Variants in CDYL observed in about 807,000 individuals in gnomAD.
CDYL encodes the protein chromodomain Y-like protein.
CDYL carries 8 observed loss-of-function variants against 47.3 expected under a neutral mutation model. The observed-to-expected ratio is 0.17, with a 90% CI of 0.10 to 0.31. The LOEUF is 0.31. CDYL is among the 10% of genes least tolerant of loss of function. CDYL has a pLI of 1.00. For missense variants in CDYL, 471 were observed against 701.4 expected, an observed-to-expected ratio of 0.67 and a Z score of 3.71; for synonymous variants, 266 against 265.0, an observed-to-expected ratio of 1.00 and a Z score of -0.04.
chr6:4,817,631 G>A (rs1445751918), intron 1 of CDYL, among the ~76,000 whole-genome samples: 2 of 151,970 alleles, frequency 1.3e-5, no homozygotes, highest in Non-Finnish European at 2.9e-5. Flanking sequence ...TACATATCTG[G>A]ACTTTATTCT....
chr6:4,744,523 CAA>C (rs1757853859), intron 3 of CDYL, among the ~76,000 whole-genome samples: 1 of 151,912 alleles, frequency 6.6e-6, no homozygotes, highest in African/African-American at 2.4e-5. Context: ...AATTATGAGA[CAA>C]AGAGAAAGAG....
intron 2 of CDYL, among the ~76,000 whole-genome samples, chr6:4,731,805 A>C (rs1179822051): frequency 6.6e-6 from 1 of 151,862 alleles, no homozygotes; most frequent in Non-Finnish European, 1.5e-5. Context: ...TGAGTGACAG[A>C]GAAAGACTCT....
At chr6:4,950,926 C>T (rs1350160069) in intron 5 of CDYL, among the ~76,000 whole-genome samples, 1 of 106,338 alleles carries the variant, frequency 9.4e-6, no homozygotes, top group African/African-American at 3.2e-5. Flanking sequence ...AAGGAGACTC[C>T]GTCTCAAAAA....
chr6:4,800,848 G>A (rs577419389), intron 1 of CDYL, among the ~76,000 whole-genome samples: 2 of 152,096 alleles, frequency 1.3e-5, no homozygotes, highest in African/African-American at 4.8e-5. Flanking sequence ...ATTTTCTCTG[G>A]CTGCTTTCAA....
rs147165818 is a variant in CDYL, at chr6:4,927,302, C to T, written c.692-8213C>T. On this transcript the variant is annotated intron_variant, in intron 2 of 6. Transcript: ENST00000397588. ...TACCGATTTATGTATATGTGCCCTT[C>T]GCTAGCCCTAAATTGCCATATTTTA... Among the ~76,000 whole-genome samples the T allele has an allele frequency of 5.9e-5, 9 of 151,842 alleles. No homozygotes were observed. In the East Asian group the frequency reaches 1.5e-3, roughly 26 times the overall value.
chr6:4,785,319 CT>C (rs1758727832), intron 1 of CDYL, among the ~76,000 whole-genome samples: 1 of 152,172 alleles, frequency 6.6e-6, no homozygotes, highest in Non-Finnish European at 1.5e-5. Context: ...AGTATACTTT[CT>C]TTTTTGTGGA....
chr6:4,797,839 G>A (rs1759118495), intron 1 of CDYL, among the ~76,000 whole-genome samples: 1 of 152,204 alleles, frequency 6.6e-6, no homozygotes, highest in Admixed American at 6.5e-5. Context: ...CACTTGGTGG[G>A]ACATTTGAGT....
chr6:4,724,336 C>G (rs2127411380), intron 2 of CDYL: 1 of 152,276 alleles, frequency 6.6e-6, no homozygotes, highest in East Asian at 1.9e-4. Flanking sequence ...TAGACGTGAG[C>G]CACCATGCCG....
chr6:4,902,955 T>G (rs1757113633), intron 2 of CDYL, among the ~76,000 whole-genome samples: 1 of 152,220 alleles, frequency 6.6e-6, no homozygotes, highest in Admixed American at 6.5e-5. Context: ...TGTGCAGATA[T>G]TTCAGTGGTC....
chr6:4,813,888 C>T (rs1759596434), intron 1 of CDYL, among the ~76,000 whole-genome samples: 2 of 152,066 alleles, frequency 1.3e-5, no homozygotes, highest in African/African-American at 4.8e-5. Flanking sequence ...ATCCTTCCAC[C>T]TCAGCCTCCC....
intron 1 of CDYL, among the ~76,000 whole-genome samples, chr6:4,817,653 T>G (rs973674633): frequency 6.6e-6 from 1 of 152,206 alleles, no homozygotes; most frequent in African/African-American, 2.4e-5. Context: ...CCCAGTGTTG[T>G]GTCTTGAGGG....
intron 2 of CDYL, among the ~76,000 whole-genome samples, chr6:4,929,635 A>G (rs1757979764): frequency 6.6e-6 from 1 of 151,876 alleles, no homozygotes; most frequent in Non-Finnish European, 1.5e-5. Context: ...TCTCCTGTCT[A>G]TTGCTGTGCC....
At chr6:4,869,523 T>C (rs1761415527) in intron 1 of CDYL, among the ~76,000 whole-genome samples, 1 of 152,256 alleles carries the variant, frequency 6.6e-6, no homozygotes. Flanking sequence ...AGTTTATTTA[T>C]CCTTTCCTGC....
intron 1 of CDYL, among the ~76,000 whole-genome samples, chr6:4,854,564 T>C (rs78311927): frequency 0.022 from 3,311 of 152,288 alleles, 131 homozygotes; most frequent in African/African-American, 0.076. Context: ...AGTCTTCTAC[T>C]ATGGCAGGTG....
rs577204653 is a variant in CDYL at position 4,932,169 on chromosome 6, C to T, written c.692-3346C>T. 3.3e-5 allele frequency among the ~76,000 whole-genome samples: 5 copies of T among 152,306 alleles called. No individual in the cohort carries two copies. In the South Asian group the frequency reaches 8.3e-4, roughly 25 times the overall value. ...GAGGCAGGTTTCTTAGCCATTTGGG[C>T]TGCCTTAACAAAATACCATCAACTG... On this transcript the variant is annotated intron_variant, in intron 2 of 6. Coordinates refer to ENST00000397588, the MANE Select transcript of CDYL (RefSeq NM_004824.4).
chr6:4,894,688 G>A (rs1581242613), intron 2 of CDYL, among the ~76,000 whole-genome samples: 1 of 152,038 alleles, frequency 6.6e-6, no homozygotes, highest in Non-Finnish European at 1.5e-5. Context: ...GACCTCAAGT[G>A]ATCCACCTGC....
intron 3 of CDYL, among the ~76,000 whole-genome samples, chr6:4,741,252 A>T (rs941566598): frequency 6.6e-6 from 1 of 151,512 alleles, no homozygotes. Flanking sequence ...CAACTGATCC[A>T]TGGACCAGAT....
intron 3 of CDYL, among the ~76,000 whole-genome samples, chr6:4,767,047 A>C (rs542017726): frequency 6.6e-6 from 1 of 152,254 alleles, no homozygotes; most frequent in Admixed American, 6.5e-5. Context: ...AATCTTCCTC[A>C]TGAACATAGA....
intron 2 of CDYL, among the ~76,000 whole-genome samples, chr6:4,894,147 C>T (rs1009162800): frequency 6.6e-5 from 10 of 152,196 alleles, no homozygotes; most frequent in African/African-American, 1.4e-4. Flanking sequence ...CTTAATAGCA[C>T]GCTCTATTTT....
Sources: allele counts gnomAD v4.1 joint callset (sites outside exome capture counted in the v4.1 genomes callset), GRCh38; gene constraint gnomAD v4.1.1; transcripts MANE v1.5; gene names NCBI Gene and HGNC (gene_info 2026-07-23, HGNC 2026-07-21).